Variants in CACNA2D3 observed in about 807,000 individuals in gnomAD.
CACNA2D3 encodes voltage-dependent calcium channel subunit alpha-2/delta-3.
Under a neutral mutation model 160.6 loss-of-function variants are expected in CACNA2D3, and 60 were observed. The observed-to-expected ratio is 0.37, with a 90% CI of 0.30 to 0.46. The LOEUF (loss-of-function observed/expected upper bound fraction) is 0.46, where lower values mean the gene tolerates loss of function less well. Ranked by LOEUF, CACNA2D3 falls within the 20% of genes least tolerant of loss-of-function variation. The pLI, the probability that CACNA2D3 is intolerant of heterozygous loss-of-function variation, is 1.00. For synonymous variants in CACNA2D3, 558 were observed against 492.9 expected (o/e 1.13, Z -1.75); for missense variants, 1,205 against 1,365.0 (o/e 0.88, Z 1.85).
intron 28 of CACNA2D3, 79 bp downstream of exon 28, chr3:54,968,590 A>G: frequency 1.0e-6 from 1 of 987,838 alleles, no homozygotes; most frequent in Non-Finnish European, 1.6e-6. Flanking sequence ...CTGGAGCCTG[A>G]AAGTGCCAGA....
intron 31 of CACNA2D3, among the ~76,000 whole-genome samples, chr3:54,989,477 T>C (rs966320033): frequency 1.3e-5 from 2 of 152,302 alleles, no homozygotes; most frequent in African/African-American, 4.8e-5. Flanking sequence ...CTCCTGGGCT[T>C]CTTTGACGGG....
intron 5 of CACNA2D3, among the ~76,000 whole-genome samples, chr3:54,560,427 A>G (rs150398694): frequency 0.013 from 1,919 of 152,000 alleles, 48 homozygotes; most frequent in African/African-American, 0.043. Context: ...ACTTTTTAAT[A>G]GGATTGTTTT....
intron 17 of CACNA2D3, among the ~76,000 whole-genome samples, chr3:54,853,012 G>A (rs538116870): frequency 3.4e-4 from 51 of 152,044 alleles, no homozygotes; most frequent in Non-Finnish European, 5.4e-4. Flanking sequence ...CCTTTCGTCC[G>A]TTCCTCAGAA....
chr3:54,798,854 A>G (rs1484161588), intron 13 of CACNA2D3, among the ~76,000 whole-genome samples: 2 of 152,146 alleles, frequency 1.3e-5, no homozygotes, highest in African/African-American at 4.8e-5. Flanking sequence ...CTGTCTTGGG[A>G]CATGTTCCCT....
chr3:54,758,064 C>T (rs1194413675), intron 12 of CACNA2D3, among the ~76,000 whole-genome samples: 1 of 152,138 alleles, frequency 6.6e-6, no homozygotes, highest in African/African-American at 2.4e-5. Flanking sequence ...GGGATTTATG[C>T]CCAGCCTGTA....
In CACNA2D3 at chr3:54,581,840, A is replaced by G. The variant is rs1702683103; in HGVS notation, c.926A>G (p.Asn309Ser). 2 of 1,613,664 alleles carry G rather than the reference A, an allele frequency of 1.2e-6. No individual in the cohort carries two copies. Among genetic ancestry groups the G allele is most frequent in the Non-Finnish European group, 1.7e-6 (2 of 1,179,862 alleles). ...CTTCACTATGTGGAACCTTGCCTGA[A>G]TGGAACTTTGGTGCAAGCCGACAGG... ...EELHYVEPCLNGTLVQADRTN... is the reference protein window; with the variant it reads ...EELHYVEPCLSGTLVQADRTN... Residue 309 changes from asparagine to serine, a missense_variant, in exon 9 of 38, where the codon AAT becomes AGT. Physicochemically the swap from Asn to Ser is conservative, Grantham distance 46 (BLOSUM62 1). This residue lies in a region of CACNA2D3 where 911 missense variants were observed against 1,002.2 expected (regional missense o/e 0.91). Coordinates refer to ENST00000474759, the MANE Select transcript of CACNA2D3 (RefSeq NM_018398.3).
chr3:54,630,057 T>C lies in CACNA2D3; in HGVS notation c.1053+2181T>C, dbSNP rs376525546. 1.1e-4 allele frequency among the ~76,000 whole-genome samples: 17 copies of C among 152,318 alleles called. 1 individual carries two copies. The highest frequency in any genetic ancestry group is 4.1e-4 in the African/African-American group (17 of 41,572). ...TTTTAAGGTAATGGTAGCAAAGCCT[T>C]GAACCAAGTGCGGAGCTTTCTTAGT... On this transcript the variant is annotated intron_variant, in intron 10 of 37. Coordinates refer to ENST00000474759, the MANE Select transcript of CACNA2D3 (RefSeq NM_018398.3).
intron 2 of CACNA2D3, among the ~76,000 whole-genome samples, chr3:54,298,318 CAGGATCCTTTCT>C (rs754218738): frequency 6.6e-6 from 1 of 152,190 alleles, no homozygotes; most frequent in Non-Finnish European, 1.5e-5. Context: ...TTATGGCTTC[CAGGATCCTTTCT>C]AGCACTCACA....
chr3:54,891,486 G>C, intron 25 of CACNA2D3, 36 bp downstream of exon 25: 1 of 1,465,306 alleles, frequency 6.8e-7, no homozygotes, highest in Non-Finnish European at 9.5e-7. Flanking sequence ...GGCCCAGGGA[G>C]CTTCTGAAAT....
At chr3:54,655,988 C>G (rs893505161) in intron 11 of CACNA2D3, among the ~76,000 whole-genome samples, 2 of 152,192 alleles carry the variant, frequency 1.3e-5, no homozygotes, top group Non-Finnish European at 2.9e-5. Flanking sequence ...AGACAAGAAC[C>G]ATGTCCCCAT....
intron 3 of CACNA2D3, among the ~76,000 whole-genome samples, chr3:54,349,075 C>T (rs559666187): frequency 2.0e-5 from 3 of 152,234 alleles, no homozygotes; most frequent in African/African-American, 7.2e-5. Flanking sequence ...GTGAGAGACT[C>T]TTGGTTGTGT....
At chr3:54,539,470 T>A (rs1701937406) in intron 5 of CACNA2D3, among the ~76,000 whole-genome samples, 2 of 152,216 alleles carry the variant, frequency 1.3e-5, no homozygotes, top group African/African-American at 4.8e-5. Flanking sequence ...GTGTGTTGTA[T>A]GTGCTAAATG....
chr3:54,359,538 G>A (rs1327811165), intron 3 of CACNA2D3, among the ~76,000 whole-genome samples: 1 of 152,190 alleles, frequency 6.6e-6, no homozygotes. Context: ...TGTCACGCAA[G>A]AAACCAATGT....
intron 11 of CACNA2D3, among the ~76,000 whole-genome samples, chr3:54,685,161 C>T (rs1700427324): frequency 6.6e-6 from 1 of 152,090 alleles, no homozygotes. Context: ...GATGGACTTC[C>T]TGAGGCCAGA....
At chr3:54,739,429 AAAAAAAAAAAAAC>A (rs1319910196) in intron 11 of CACNA2D3, among the ~76,000 whole-genome samples, 77 of 149,498 alleles carry the variant, frequency 5.2e-4, no homozygotes, top group Admixed American at 1.1e-3. Context: ...CTGTCTCAAA[AAAAAAAAAAAAAC>A]AAAAAAAAAA....
intron 11 of CACNA2D3, among the ~76,000 whole-genome samples, chr3:54,697,994 G>C (rs1396228310): frequency 6.6e-6 from 1 of 152,056 alleles, no homozygotes; most frequent in East Asian, 1.9e-4. Context: ...GCAACACTTT[G>C]CACAAACAGA....
intron 4 of CACNA2D3, among the ~76,000 whole-genome samples, chr3:54,485,031 G>T (rs1241525004): frequency 6.6e-6 from 1 of 152,052 alleles, no homozygotes; most frequent in Non-Finnish European, 1.5e-5. Flanking sequence ...AATTTTAGTA[G>T]AGACGGGGTT....
chr3:54,797,218 AC>A (rs1258915410), intron 13 of CACNA2D3, among the ~76,000 whole-genome samples: 11 of 152,216 alleles, frequency 7.2e-5, no homozygotes, highest in African/African-American at 2.4e-4. Flanking sequence ...AACAAGAGAC[AC>A]AGGGTTGTCT....
At chr3:55,045,119 G>A (rs1704047413) in intron 35 of CACNA2D3, among the ~76,000 whole-genome samples, 1 of 152,112 alleles carries the variant, frequency 6.6e-6, no homozygotes, top group Non-Finnish European at 1.5e-5. Context: ...TATGATCTTG[G>A]CTCACTGCAA....
Sources: gnomAD v4.1 joint callset for allele counts (sites outside exome capture counted in the v4.1 genomes callset) on GRCh38, gnomAD v4.1.1 for gene constraint, gnomAD v4.1.1 regional missense constraint, MANE v1.5 for transcripts, NCBI Gene and HGNC (gene_info 2026-07-23, HGNC 2026-07-21) for gene names.